The following ITM2B variants were observed in gnomAD, a reference collection of about 807,000 sequenced individuals.
ITM2B encodes ABri/ADan amyloid peptide.
In ITM2B, 11 loss-of-function variants were observed where a neutral mutation model predicts 27.8. The ratio of observed to expected loss-of-function variants is 0.40; its 90% CI spans 0.25 to 0.66. The LOEUF (loss-of-function observed/expected upper bound fraction) is 0.66, where lower values mean the gene tolerates loss of function less well. ITM2B is among the 30% of genes least tolerant of loss of function. The pLI is 0.43. For missense variants in ITM2B, 296 were observed against 328.9 expected, an observed-to-expected ratio of 0.90 and a Z score of 0.77; for synonymous variants, 114 against 114.3, an observed-to-expected ratio of 1.00 and a Z score of 0.02.
intron 1 of ITM2B, among the ~76,000 whole-genome samples, chr13:48,237,170 C>A (rs529466059): frequency 6.6e-6 from 1 of 152,152 alleles, no homozygotes; most frequent in South Asian, 2.1e-4. Context: ...GCATGGCTGG[C>A]CATTTACTAT....
chr13:48,256,448 T>A, intron 3 of ITM2B, 65 bp downstream of exon 3: 2 of 1,197,942 alleles, frequency 1.7e-6, no homozygotes, highest in Non-Finnish European at 2.5e-6. Flanking sequence ...TTTGTAGTTT[T>A]AATTTCAATA....
chr13:48,258,157 A>T lies in ITM2B; in HGVS notation c.485A>T (p.Asp162Val). The T allele has an allele frequency of 1.9e-6, 3 of 1,602,384 alleles. No homozygotes were observed. Among genetic ancestry groups the T allele is most frequent in the Non-Finnish European group, 2.6e-6 (3 of 1,169,554 alleles). Residue 162 changes from aspartate (D) to valine (V), a missense_variant, in exon 4 of 6, where the codon GAT becomes GTT. Physicochemically the swap from Asp to Val is radical, Grantham distance 152. Coordinates refer to ENST00000647800, the MANE Select transcript of ITM2B (RefSeq NM_021999.5). ...KLTAYLDLNL[D>V]KCYVIPLNTS... ...ACAGCCTATTTAGATCTTAACCTGGATAAGTGCTATGTGATCCCTCTGAAC... is the reference window on the plus strand; with the variant it reads ...ACAGCCTATTTAGATCTTAACCTGGTTAAGTGCTATGTGATCCCTCTGAAC...
chr13:48,255,238 T>TA (rs1221220853), intron 2 of ITM2B, among the ~76,000 whole-genome samples: 116 of 68,566 alleles, frequency 1.7e-3, no homozygotes, highest in Middle Eastern at 5.2e-3. Flanking sequence ...GTAGTGTGTG[T>TA]GTGTGTGTGT....
At chr13:48,237,178 TATA>T (rs1178832224) in intron 1 of ITM2B, among the ~76,000 whole-genome samples, 1 of 152,218 alleles carries the variant, frequency 6.6e-6, no homozygotes, top group South Asian at 2.1e-4. Context: ...GGCCATTTAC[TATA>T]ATGTTGATAT....
Position 48,262,408 on chromosome 13 carries a change from A to C in ITM2B, c.*1184A>C, listed in dbSNP as rs1951828074. On this transcript the variant is annotated 3_prime_UTR_variant, in exon 6 of 6. Transcript: ENST00000647800. ...CCAACTCTTAAAGGATTTAGTCTAG[A>C]AACCAATTCTAATTCAAAAGGATAT... 1 of 152,204 alleles carries C rather than the reference A, an allele frequency of 6.6e-6. No homozygotes were observed. Among genetic ancestry groups the C allele is most frequent in the African/African-American group, 2.4e-5 (1 of 41,470 alleles). The allele number at this position is 152,204 out of a possible 1,614,324, so 9.4% of individuals were successfully genotyped here. A position where few individuals can be genotyped will look rare whatever the true frequency, so the allele number is the denominator to read the frequency against.
intron 1 of ITM2B, among the ~76,000 whole-genome samples, chr13:48,235,027 C>T (rs200800012): frequency 1.6e-5 from 2 of 126,328 alleles, no homozygotes; most frequent in South Asian, 5.1e-4. Context: ...TATATATATA[C>T]ACACATACAT....
Position 48,262,702 on chromosome 13 carries a change from C to T in ITM2B, c.*1478C>T, listed in dbSNP as rs1388175430. The T allele has an allele frequency of 6.6e-6, 1 of 152,120 alleles. No homozygotes were observed. Among genetic ancestry groups the T allele is most frequent in the African/African-American group, 2.4e-5 (1 of 41,418 alleles). 9.4% of individuals were successfully genotyped at this position (152,120 alleles called of 1,614,324 possible). A position where few individuals can be genotyped will look rare whatever the true frequency, so the allele number is the denominator to read the frequency against. ...CTGCAAAGAAGAAAAAAAGCCACTG[C>T]CGTCGTGGAGACTCACAATCTAGGA... is the stretch of plus-strand genomic sequence containing the variant. On this transcript the variant is annotated 3_prime_UTR_variant, in exon 6 of 6. Coordinates refer to ENST00000647800, the MANE Select transcript of ITM2B (RefSeq NM_021999.5).
At chr13:48,241,573 G>A (rs1293051745) in intron 1 of ITM2B, among the ~76,000 whole-genome samples, 1 of 152,124 alleles carries the variant, frequency 6.6e-6, no homozygotes, top group Non-Finnish European at 1.5e-5. Flanking sequence ...ATTTTGCTCT[G>A]AGAACTCCTT....
chr13:48,234,060 A>T (rs2137975226), intron 1 of ITM2B, among the ~76,000 whole-genome samples: 1 of 152,316 alleles, frequency 6.6e-6, no homozygotes, highest in Admixed American at 6.5e-5. Context: ...ACGAAGGGAC[A>T]GTCCGCCCGA....
In ITM2B at chr13:48,243,254, A is replaced by T. The variant is rs182636990; in HGVS notation, c.117+9777A>T. On this transcript the variant is annotated intron_variant, in intron 1 of 5. Coordinates refer to ENST00000647800, the MANE Select transcript of ITM2B (RefSeq NM_021999.5). ...GTGGCATTATTACTCCAACTAACTT[A>T]AAAAAGTTTCATTTTTGTAATTAAT... 2.8e-4 allele frequency among the ~76,000 whole-genome samples: 43 copies of T among 152,318 alleles called. 2 individuals carry two copies. Among genetic ancestry groups the T allele is most frequent in the African/African-American group, 9.9e-4 (41 of 41,574 alleles).
chr13:48,233,603 G>C (rs934183099), intron 1 of ITM2B, 126 bp downstream of exon 1: 1 of 525,866 alleles, frequency 1.9e-6, no homozygotes, highest in African/African-American at 2.0e-5. Context: ...AAGTCCCCGA[G>C]AGAGCCCGGC....
At position 48,261,965 on chromosome 13, in the gene ITM2B, T is replaced by C. The variant is rs1477283563; in HGVS notation, c.*741T>C. 2.6e-5 allele frequency: 4 copies of C among 152,530 alleles called. No homozygotes were observed. The highest frequency in any genetic ancestry group is 9.7e-5 in the African/African-American group (4 of 41,446). 9.4% of individuals were successfully genotyped at this position (152,530 alleles called of 1,614,324 possible). On this transcript the variant is annotated 3_prime_UTR_variant, in exon 6 of 6. Coordinates refer to ENST00000647800, the MANE Select transcript of ITM2B (RefSeq NM_021999.5). The stretch of plus-strand genomic sequence containing the variant: ...ATCCACATAAAAGAAGAAACTATTT[T>C]TTAAAAATTCACTTCTATATATACA...
Position 48,266,104 on chromosome 13 carries a change from C to A in ITM2B, c.*4880C>A, listed in dbSNP as rs2138001729. ...ATTTCCCAACCAGTTGTCTGACTTTCTCCTCAGATCTCATCCCCATGGGTC... is the reference window on the plus strand; with the variant it reads ...ATTTCCCAACCAGTTGTCTGACTTTATCCTCAGATCTCATCCCCATGGGTC... On this transcript the variant is annotated 3_prime_UTR_variant, in exon 6 of 6. Coordinates refer to ENST00000647800, the MANE Select transcript of ITM2B (RefSeq NM_021999.5). 6.6e-6 allele frequency: 1 copy of A among 152,246 alleles called. No homozygotes were observed. The highest frequency in any genetic ancestry group is 2.4e-5 in the African/African-American group (1 of 41,532). 9.4% of individuals were successfully genotyped at this position (152,246 alleles called of 1,614,324 possible). A position where few individuals can be genotyped will look rare whatever the true frequency, so the allele number is the denominator to read the frequency against.
chr13:48,261,141 A>G lies in ITM2B; in HGVS notation c.718A>G (p.Ile240Val), dbSNP rs759189041. Residue 240 changes from isoleucine (I) to valine (V), a missense_variant and splice_region_variant, in exon 6 of 6, where the codon ATT (isoleucine) becomes GTT (valine). Transcript: ENST00000647800. Reference sequence around the variant, plus strand: ...AAACTTTTTTCCCTCTCCAACAGGTATTCAGAAACGTGAAGCCAGCAATTG... The same window carrying G: ...AAACTTTTTTCCCTCTCCAACAGGTGTTCAGAAACGTGAAGCCAGCAATTG... ...KLQRRETIKG[I>V]QKREASNCFA... is the part of the protein sequence containing the mutation. 5.0e-6 allele frequency: 8 copies of G among 1,610,890 alleles called. No homozygotes were observed. The highest frequency in any genetic ancestry group is 4.5e-5 in the East Asian group (2 of 44,774).
At chr13:48,255,230 AGTGTGTGTGTGTGT>A (rs57255200) in intron 2 of ITM2B, among the ~76,000 whole-genome samples, 1 of 149,596 alleles carries the variant, frequency 6.7e-6, no homozygotes, top group Non-Finnish European at 1.5e-5. Context: ...TAGTGTGTGT[AGTGTGTGTGTGTGT>A]GTGTGTGTGT....
intron 1 of ITM2B, among the ~76,000 whole-genome samples, chr13:48,252,691 A>G (rs768142573): frequency 1.3e-5 from 2 of 152,176 alleles, no homozygotes; most frequent in Non-Finnish European, 2.9e-5. Context: ...TTCTAATTTT[A>G]TATCCTATTA....
chr13:48,253,959 GT>G, intron 2 of ITM2B, 23 bp downstream of exon 2: 1 of 1,585,094 alleles, frequency 6.3e-7, no homozygotes, highest in Non-Finnish European at 8.6e-7. Context: ...ATTATTTTGT[GT>G]CTCTGATTTT....
intron 1 of ITM2B, among the ~76,000 whole-genome samples, chr13:48,245,446 A>G (rs572912152): frequency 3.3e-5 from 5 of 152,296 alleles, no homozygotes; most frequent in South Asian, 4.2e-4. Context: ...TATTATTCAT[A>G]TAAATATTCT....
intron 1 of ITM2B, among the ~76,000 whole-genome samples, chr13:48,245,587 CTG>C (rs1213798803): frequency 6.6e-6 from 1 of 150,696 alleles, no homozygotes; most frequent in African/African-American, 2.4e-5. Flanking sequence ...TAACCTAAAA[CTG>C]TGCTAGTTTT....
Sources: allele counts gnomAD v4.1 joint callset (sites outside exome capture counted in the v4.1 genomes callset), GRCh38; gene constraint gnomAD v4.1.1; transcripts MANE v1.5; gene names NCBI Gene and HGNC (gene_info 2026-07-23, HGNC 2026-07-21).